FRY: variants seen among roughly 807,000 people sequenced by gnomAD.
The protein encoded by FRY is protein furry homolog.
FRY carries 128 observed loss-of-function variants against 348.4 expected under a neutral mutation model. The observed-to-expected ratio is 0.37, with a 90% confidence interval of 0.32 to 0.43. FRY has a LOEUF of 0.43. FRY is among the 20% of genes least tolerant of loss of function. FRY has a pLI of 1.00. For synonymous variants in FRY, 1,370 were observed against 1,374.7 expected (o/e 1.00, Z 0.08); for missense variants, 2,736 against 3,695.2 (o/e 0.74, Z 6.73).
At chr13:32,248,786 T>C (rs1886930515) in intron 48 of FRY, among the ~76,000 whole-genome samples, 1 of 152,216 alleles carries the variant, frequency 6.6e-6, no homozygotes, top group Non-Finnish European at 1.5e-5. Flanking sequence ...AAGCTATTTT[T>C]TCTCTGCAAT....
At chr13:32,224,479 T>A in intron 37 of FRY, 94 bp downstream of exon 37, 5 of 1,103,488 alleles carry the variant, frequency 4.5e-6, no homozygotes, top group Non-Finnish European at 5.3e-6. Context: ...CCCACCACAT[T>A]AAATTATCTT....
chr13:32,064,256 C>A (rs1874109909), intron 1 of FRY, among the ~76,000 whole-genome samples: 1 of 152,038 alleles, frequency 6.6e-6, no homozygotes, highest in Non-Finnish European at 1.5e-5. Flanking sequence ...ACATTCCCCC[C>A]ACCATTCATA....
At chr13:32,048,227 GCC>G (rs1873132607) in intron 1 of FRY, among the ~76,000 whole-genome samples, 1 of 152,066 alleles carries the variant, frequency 6.6e-6, no homozygotes, top group African/African-American at 2.4e-5. Flanking sequence ...CTAGCATGTC[GCC>G]CCTCAGTGGA....
intron 1 of FRY, among the ~76,000 whole-genome samples, chr13:32,070,997 G>A (rs183618937): frequency 0.011 from 1,688 of 152,178 alleles, 39 homozygotes; most frequent in African/African-American, 0.039. Flanking sequence ...GTTTTTGTCA[G>A]GTTTGTCAAA....
chr13:32,088,818 A>G (rs1341192686), intron 2 of FRY, among the ~76,000 whole-genome samples: 1 of 152,176 alleles, frequency 6.6e-6, no homozygotes, highest in African/African-American at 2.4e-5. Flanking sequence ...ATTTCTGGTG[A>G]CTTTATGAAG....
intron 20 of FRY, among the ~76,000 whole-genome samples, chr13:32,176,434 C>A (rs798980): frequency 0.17 from 25,944 of 152,098 alleles, 2,456 homozygotes; most frequent in Middle Eastern, 0.3. Context: ...TATACAAAAC[C>A]TGAAGACATT....
At chr13:32,135,316 G>A (rs1359808263) in intron 10 of FRY, 133 bp downstream of exon 10, 5 of 684,066 alleles carry the variant, frequency 7.3e-6, no homozygotes, top group Non-Finnish European at 1.0e-5. Context: ...AAAAGAGGCA[G>A]CATTTGAAAC....
chr13:32,191,953 A>T (rs1883361654), intron 28 of FRY, among the ~76,000 whole-genome samples: 1 of 152,296 alleles, frequency 6.6e-6, no homozygotes, highest in East Asian at 1.9e-4. Context: ...ACAGGAGACA[A>T]AATTATATAC....
At chr13:32,278,603 T>C (rs775493677) in intron 58 of FRY, 55 bp downstream of exon 58, 3 of 975,412 alleles carry the variant, frequency 3.1e-6, no homozygotes, top group Non-Finnish European at 5.0e-6. Flanking sequence ...TGTGTATTAG[T>C]TTTGGTCTAC....
chr13:32,225,949 C>G lies in FRY; in HGVS notation c.5181C>G (p.Ala1727=), dbSNP rs746445277. ...CTAAGACTCTAACCGTGCAGCCAGC[C>G]TACCAACCTGAATATCTCTATACAG... ...GEAKTLTVQP[A]YQPEYLYTGG... The change falls in exon 39 of 61, where the codon GCC becomes GCG. Residue 1727 remains alanine (A), a synonymous_variant. Coordinates refer to ENST00000542859, the MANE Select transcript of FRY (RefSeq NM_023037.3). 3 of 1,614,140 alleles carry G rather than the reference C, an allele frequency of 1.9e-6. No individual in the cohort carries two copies. The highest frequency in any genetic ancestry group is 4.5e-5 in the East Asian group (2 of 44,884).
chr13:32,291,635 G>A (rs1441044011), intron 59 of FRY, among the ~76,000 whole-genome samples: 2 of 151,946 alleles, frequency 1.3e-5, no homozygotes, highest in Non-Finnish European at 2.9e-5. Flanking sequence ...AAACTCCTGA[G>A]TTCAGGTGAT....
At chr13:32,209,163 A>AT in intron 32 of FRY, 54 bp downstream of exon 32, 2 of 1,605,012 alleles carry the variant, frequency 1.2e-6, no homozygotes, top group South Asian at 1.1e-5. Flanking sequence ...TCAGAAAAAA[A>AT]CCCTGGGTTA....
At chr13:32,124,438 T>G in intron 5 of FRY, 62 bp downstream of exon 5, 1 of 1,005,738 alleles carries the variant, frequency 9.9e-7, no homozygotes, top group South Asian at 1.4e-5. Flanking sequence ...CTACTTAGGT[T>G]GTAAAAGTCT....
chr13:32,050,319 G>GTAA (rs1439094410), intron 1 of FRY, among the ~76,000 whole-genome samples: 1 of 152,142 alleles, frequency 6.6e-6, no homozygotes, highest in African/African-American at 2.4e-5. Flanking sequence ...AAAATATAGT[G>GTAA]TAATTTTCAT....
chr13:32,187,554 A>C lies in FRY; in HGVS notation c.3489A>C (p.Ser1163=), dbSNP rs1042428686. The C allele has an allele frequency of 1.3e-5, 21 of 1,599,512 alleles. No individual in the cohort carries two copies. Among genetic ancestry groups the C allele is most frequent in the Non-Finnish European group, 1.8e-5 (21 of 1,166,688 alleles). ...TGTGTTTTTATCATCAGGCAATGTCAGCAGTACTGTGCTGTGGCCCTGTCT... is the reference window on the plus strand; with the variant it reads ...TGTGTTTTTATCATCAGGCAATGTCCGCAGTACTGTGCTGTGGCCCTGTCT... ...RYQYCALKAM[S]AVLCCGPVFD... Residue 1163 remains serine (S), a synonymous_variant, in exon 28 of 61, where the codon TCA becomes TCC. Transcript: ENST00000542859.
chr13:32,108,831 G>A (rs560243147), intron 3 of FRY, among the ~76,000 whole-genome samples: 65 of 152,332 alleles, frequency 4.3e-4, no homozygotes, highest in Non-Finnish European at 8.5e-4. Context: ...ATAACCCCTT[G>A]AGAGGTATGC....
At chr13:32,228,946 G>C (rs1885762812) in intron 40 of FRY, among the ~76,000 whole-genome samples, 1 of 152,204 alleles carries the variant, frequency 6.6e-6, no homozygotes, top group African/African-American at 2.4e-5. Context: ...GGAGATGGTA[G>C]TGCCCCACAG....
At chr13:32,057,492 G>A (rs577586394) in intron 1 of FRY, among the ~76,000 whole-genome samples, 4 of 152,232 alleles carry the variant, frequency 2.6e-5, no homozygotes, top group African/African-American at 4.8e-5. Flanking sequence ...CATTTAGTGA[G>A]AGTAGTTGTA....
At chr13:32,144,647 A>G (rs377730303) in intron 11 of FRY, among the ~76,000 whole-genome samples, 115 of 152,324 alleles carry the variant, frequency 7.5e-4, no homozygotes, top group African/African-American at 2.7e-3. Context: ...AAAGAGAATC[A>G]TATGACTAAA....
Sources: gnomAD v4.1 joint callset for allele counts (sites outside exome capture counted in the v4.1 genomes callset) on GRCh38, gnomAD v4.1.1 for gene constraint, MANE v1.5 for transcripts, NCBI Gene and HGNC (gene_info 2026-07-23, HGNC 2026-07-21) for gene names.